Variants in SAMD5 observed in about 807,000 individuals in gnomAD.
The protein encoded by SAMD5 is sterile alpha motif domain-containing protein 5.
Under a neutral mutation model 11.3 loss-of-function variants are expected in SAMD5, and 13 were observed. The observed-to-expected ratio is 1.15, with a 90% confidence interval of 0.75 to 1.83. The LOEUF is 1.83. Ranked by LOEUF, SAMD5 falls within the 40% of genes most tolerant of loss-of-function variation. SAMD5 has a pLI of 0.00. For missense variants in SAMD5, 255 were observed against 239.1 expected (o/e 1.07, Z -0.44); for synonymous variants, 129 against 111.3 (o/e 1.16, Z -1.00).
At chr6:147,745,744 T>C in the SAMD5 span, among the ~76,000 whole-genome samples, 1 of 152,012 alleles carries the variant, frequency 6.6e-6, no homozygotes, top group Admixed American at 6.5e-5. Context: ...GCTCCTGTAC[T>C]AGCTGTGTGC....
chr6:147,735,578 A>AT (rs1791787990), intron 1 of SAMD5, among the ~76,000 whole-genome samples: 1 of 152,344 alleles, frequency 6.6e-6, no homozygotes, highest in South Asian at 2.1e-4. Context: ...ATTGATTGAT[A>AT]TATCTCTGAT....
At chr6:147,576,581 C>G (rs913045955) in intron 1 of SAMD5, among the ~76,000 whole-genome samples, 3 of 152,112 alleles carry the variant, frequency 2.0e-5, no homozygotes, top group East Asian at 1.9e-4. Flanking sequence ...TACCAGGTGG[C>G]CTTCATTAAA....
chr6:147,753,203 C>T, the SAMD5 span, among the ~76,000 whole-genome samples: 1 of 152,160 alleles, frequency 6.6e-6, no homozygotes, highest in African/African-American at 2.4e-5. Flanking sequence ...TTTAAACATG[C>T]ATTCACTGGG....
intron 1 of SAMD5, among the ~76,000 whole-genome samples, chr6:147,735,915 C>T (rs1413571541): frequency 6.6e-6 from 1 of 152,086 alleles, no homozygotes; most frequent in Non-Finnish European, 1.5e-5. Flanking sequence ...AGCTTCAAAA[C>T]CTGCTCTTTC....
the SAMD5 span, among the ~76,000 whole-genome samples, chr6:147,775,179 C>T: frequency 5.9e-5 from 9 of 152,006 alleles, no homozygotes; most frequent in South Asian, 8.3e-4. Context: ...TGGGTCCCTG[C>T]GAGGCCTGGT....
chr6:147,879,452 T>G, the SAMD5 span, among the ~76,000 whole-genome samples: 1 of 152,210 alleles, frequency 6.6e-6, no homozygotes, highest in Non-Finnish European at 1.5e-5. Context: ...TTTCTGGACC[T>G]GCCAGGCTGC....
At chr6:147,940,264 GC>G in the SAMD5 span, among the ~76,000 whole-genome samples, 1 of 149,106 alleles carries the variant, frequency 6.7e-6, no homozygotes. Context: ...AAAGCCAACA[GC>G]TGAGAGGGAA....
the SAMD5 span, among the ~76,000 whole-genome samples, chr6:147,762,515 AC>A: frequency 1.4e-5 from 1 of 72,046 alleles, no homozygotes; most frequent in African/African-American, 5.8e-5. Context: ...CAATTACTGT[AC>A]TCTTTTATGT....
the SAMD5 span, among the ~76,000 whole-genome samples, chr6:147,923,167 A>C: frequency 5.9e-5 from 9 of 152,244 alleles, no homozygotes; most frequent in African/African-American, 1.4e-4. Flanking sequence ...AAAGGAAAAC[A>C]ACATGTGAAG....
chr6:147,855,373 A>G, the SAMD5 span, among the ~76,000 whole-genome samples: 3 of 152,216 alleles, frequency 2.0e-5, no homozygotes, highest in Non-Finnish European at 4.4e-5. Flanking sequence ...GTCTTCAAAT[A>G]TCTGAAAGCG....
intron 1 of SAMD5, among the ~76,000 whole-genome samples, chr6:147,613,926 T>C (rs73787324): frequency 0.084 from 12,815 of 151,996 alleles, 1,978 homozygotes; most frequent in African/African-American, 0.29. Flanking sequence ...CCTATCCTTC[T>C]GGTGAGTGCT....
intron 1 of SAMD5, among the ~76,000 whole-genome samples, chr6:147,561,773 C>T (rs1788954545): frequency 6.6e-6 from 1 of 152,156 alleles, no homozygotes; most frequent in South Asian, 2.1e-4. Flanking sequence ...ATTTCTGTTC[C>T]ACTTGAAGAG....
At chr6:147,838,262 T>C in the SAMD5 span, among the ~76,000 whole-genome samples, 1 of 152,132 alleles carries the variant, frequency 6.6e-6, no homozygotes, top group African/African-American at 2.4e-5. Flanking sequence ...ATCAAAAAGT[T>C]CTGACAAATA....
chr6:147,672,713 A>G (rs565100396), intron 1 of SAMD5, among the ~76,000 whole-genome samples: 3 of 151,520 alleles, frequency 2.0e-5, no homozygotes, highest in Non-Finnish European at 2.9e-5. Flanking sequence ...TTTTTGTTGC[A>G]TATATCTTCA....
the SAMD5 span, among the ~76,000 whole-genome samples, chr6:147,838,236 G>A: frequency 2.0e-5 from 3 of 152,150 alleles, no homozygotes; most frequent in Non-Finnish European, 4.4e-5. Context: ...ACTGTTGAGA[G>A]AGGCATAAAT....
the SAMD5 span, among the ~76,000 whole-genome samples, chr6:147,784,522 C>G: frequency 2.0e-5 from 3 of 152,162 alleles, no homozygotes; most frequent in Non-Finnish European, 4.4e-5. Flanking sequence ...TGTTTACTGC[C>G]AGACCCTACT....
intron 1 of SAMD5, among the ~76,000 whole-genome samples, chr6:147,635,587 C>A (rs1245788584): frequency 6.6e-6 from 1 of 152,166 alleles, no homozygotes; most frequent in Admixed American, 6.5e-5. Flanking sequence ...AATATGGATA[C>A]CCCTTCCACT....
At chr6:147,752,070 A>G in the SAMD5 span, among the ~76,000 whole-genome samples, 1 of 152,180 alleles carries the variant, frequency 6.6e-6, no homozygotes, top group Non-Finnish European at 1.5e-5. Context: ...ATTGAATATA[A>G]TATATTTGTA....
the SAMD5 span, among the ~76,000 whole-genome samples, chr6:147,763,146 A>G: frequency 8.6e-5 from 13 of 151,926 alleles, no homozygotes; most frequent in Admixed American, 8.5e-4. Flanking sequence ...GATTTTTTTC[A>G]TTGTGGTTTT....
Sources: gnomAD v4.1 joint callset for allele counts (sites outside exome capture counted in the v4.1 genomes callset) on GRCh38, gnomAD v4.1.1 for gene constraint, MANE v1.5 for transcripts, NCBI Gene and HGNC (gene_info 2026-07-23, HGNC 2026-07-21) for gene names.